The following LYN variants were observed in gnomAD, a reference collection of about 807,000 sequenced individuals.
LYN encodes tyrosine-protein kinase Lyn.
Under a neutral mutation model 65.0 loss-of-function variants are expected in LYN, and 12 were observed. The ratio of observed to expected loss-of-function variants is 0.18; its 90% CI spans 0.12 to 0.30. The LOEUF is 0.30. Among genes scored for constraint, LYN ranks in the 10% least tolerant of loss-of-function variants. LYN has a pLI of 1.00. For missense variants in LYN, 380 were observed against 623.2 expected (o/e 0.61, Z 4.16); for synonymous variants, 222 against 221.2 (o/e 1.00, Z -0.03).
chr8:55,911,167 A>ATACGTGTATATATATG (rs1805608808), intron 1 of LYN, among the ~76,000 whole-genome samples: 1 of 33,284 alleles, frequency 3.0e-5, no homozygotes, highest in African/African-American at 9.4e-5. Flanking sequence ...GTACATATAT[A>ATACGTGTATATATATG]TACACGTATA....
chr8:55,923,135 T>C (rs1326250788), intron 1 of LYN, among the ~76,000 whole-genome samples: 2 of 152,166 alleles, frequency 1.3e-5, no homozygotes, highest in African/African-American at 2.4e-5. Flanking sequence ...AAAACAATTT[T>C]CAGTAAGGAA....
chr8:55,997,855 C>T (rs529052677), intron 10 of LYN, among the ~76,000 whole-genome samples: 8 of 152,114 alleles, frequency 5.3e-5, no homozygotes, highest in East Asian at 1.9e-4. Context: ...GAGGCCAAGG[C>T]GGGCGGATCA....
At chr8:55,907,454 T>G (rs12542445) in intron 1 of LYN, among the ~76,000 whole-genome samples, 137,206 of 152,304 alleles carry the variant, frequency 0.9, 61,901 homozygotes, top group East Asian at 0.98. Context: ...CTGTGAGGTG[T>G]CAAGGAAGCT....
intron 7 of LYN, among the ~76,000 whole-genome samples, chr8:55,953,131 G>A (rs1023917442): frequency 3.3e-5 from 5 of 152,176 alleles, no homozygotes; most frequent in African/African-American, 1.2e-4. Context: ...GAGGGCTTGT[G>A]GTACTCTGGC....
In LYN at chr8:56,010,970, C is replaced by G. The variant is rs1449976246; in HGVS notation, c.*860C>G. On this transcript the variant is annotated 3_prime_UTR_variant, in exon 13 of 13. Coordinates refer to ENST00000519728, the MANE Select transcript of LYN (RefSeq NM_002350.4). ...GTTTTGACAATGTAGTTTGGAAGAACTAAGATTCTAATCTCTGAAGAACCT... is the reference window on the plus strand; with the variant it reads ...GTTTTGACAATGTAGTTTGGAAGAAGTAAGATTCTAATCTCTGAAGAACCT... 4.3e-6 allele frequency: 1 copy of G among 232,302 alleles called. No individual in the cohort carries two copies. The highest frequency in any genetic ancestry group is 5.6e-5 in the Admixed American group (1 of 17,766). 14.4% of individuals were successfully genotyped at this position (232,302 alleles called of 1,614,324 possible). A position where few individuals can be genotyped will look rare whatever the true frequency, so the allele number is the denominator to read the frequency against.
chr8:55,944,103 A>C (rs190420543), intron 2 of LYN, among the ~76,000 whole-genome samples: 1,761 of 152,244 alleles, frequency 0.012, 15 homozygotes, highest in Middle Eastern at 0.024. Context: ...AAGGAAGTGG[A>C]GATAAAGAGT....
chr8:55,893,481 G>A (rs925446828), intron 1 of LYN: 23 of 152,174 alleles, frequency 1.5e-4, no homozygotes, highest in African/African-American at 4.3e-4. Flanking sequence ...TGATGTTAAG[G>A]AACACAGCAC....
At chr8:55,997,884 A>T (rs1004308799) in intron 10 of LYN, among the ~76,000 whole-genome samples, 3 of 152,170 alleles carry the variant, frequency 2.0e-5, no homozygotes, top group Non-Finnish European at 2.9e-5. Flanking sequence ...GGAGATCGAG[A>T]CCATCCTGGC....
chr8:55,910,862 G>T (rs1424883980), intron 1 of LYN, among the ~76,000 whole-genome samples: 1 of 147,416 alleles, frequency 6.8e-6, no homozygotes, highest in Admixed American at 6.8e-5. Flanking sequence ...TGTAGTTTTC[G>T]TATCAACACC....
At chr8:55,986,449 G>A (rs1808075341) in intron 10 of LYN, among the ~76,000 whole-genome samples, 1 of 152,126 alleles carries the variant, frequency 6.6e-6, no homozygotes, top group African/African-American at 2.4e-5. Flanking sequence ...AAGTAAATGG[G>A]TATTCATTGA....
intron 1 of LYN, among the ~76,000 whole-genome samples, chr8:55,921,673 G>A (rs1805951573): frequency 6.6e-6 from 1 of 152,178 alleles, no homozygotes; most frequent in African/African-American, 2.4e-5. Flanking sequence ...CCAATTAGGA[G>A]TCTAACATTT....
At chr8:55,988,805 C>T (rs1808156480) in intron 10 of LYN, among the ~76,000 whole-genome samples, 1 of 152,068 alleles carries the variant, frequency 6.6e-6, no homozygotes, top group Non-Finnish European at 1.5e-5. Context: ...TCACATTCAG[C>T]CCCTCAGTGA....
At chr8:56,009,115 T>C (rs1808749186) in intron 12 of LYN, among the ~76,000 whole-genome samples, 1 of 152,242 alleles carries the variant, frequency 6.6e-6, no homozygotes, top group African/African-American at 2.4e-5. Context: ...AAAATGTCCG[T>C]ATAAGATAAT....
At chr8:55,961,113 A>G (rs1807259473) in intron 8 of LYN, among the ~76,000 whole-genome samples, 1 of 152,196 alleles carries the variant, frequency 6.6e-6, no homozygotes, top group Non-Finnish European at 1.5e-5. Context: ...CCTTGAGATT[A>G]ATCACCAACC....
rs1288882059 is a variant in LYN at position 55,947,618 on chromosome 8, A to G, written c.179A>G (p.Asp60Gly). The change falls in exon 4 of 13, where the codon GAT (aspartate) becomes GGT (glycine). Residue 60 changes from aspartate to glycine, a missense_variant and splice_region_variant. Physicochemically the swap from Asp to Gly is moderately conservative, Grantham distance 94 (BLOSUM62 -1). This residue lies in a region of LYN where 157 missense variants were observed against 193.2 expected (regional missense o/e 0.81). Transcript: ENST00000519728. ...LLPGQRFQTKDPEEQGDIVVA... is the reference protein window; with the variant it reads ...LLPGQRFQTKGPEEQGDIVVA... ...GGTGTTCTCTTGTGTTCATCTTTAGATCCAGAGGAACAAGGAGACATTGTG... is the reference window on the plus strand; with the variant it reads ...GGTGTTCTCTTGTGTTCATCTTTAGGTCCAGAGGAACAAGGAGACATTGTG... 6.2e-7 allele frequency: 1 copy of G among 1,600,818 alleles called. No homozygotes were observed. Among genetic ancestry groups the G allele is most frequent in the Non-Finnish European group, 8.6e-7 (1 of 1,167,856 alleles).
Position 55,946,471 on chromosome 8 carries a change from T to C in LYN, c.156T>C (p.Pro52=), listed in dbSNP as rs769952180. Reference sequence around the variant, plus strand: ...AGGTTCCAGAATCTCAGCTTTTACCTGGACAGAGGTTTCAAACTAAAGGTA... The same window carrying C: ...AGGTTCCAGAATCTCAGCTTTTACCCGGACAGAGGTTTCAAACTAAAGGTA... The part of the protein sequence containing the change: ...QRPVPESQLL[P]GQRFQTKDPE... The change falls in exon 3 of 13, where the codon CCT becomes CCC. Residue 52 remains proline, a synonymous_variant. Coordinates refer to ENST00000519728, the MANE Select transcript of LYN (RefSeq NM_002350.4). 20 of 1,610,738 alleles carry C rather than the reference T, an allele frequency of 1.2e-5. No individual in the cohort carries two copies. In the South Asian group the frequency reaches 2.1e-4, roughly 17 times the overall value.
intron 12 of LYN, among the ~76,000 whole-genome samples, chr8:56,004,632 G>T (rs1451174462): frequency 6.6e-6 from 1 of 151,994 alleles, no homozygotes; most frequent in Non-Finnish European, 1.5e-5. Context: ...CATGCCTGCG[G>T]GTGCTCCTCA....
chr8:55,999,699 T>A, intron 12 of LYN, 150 bp downstream of exon 12: 2 of 860,116 alleles, frequency 2.3e-6, no homozygotes, highest in Non-Finnish European at 3.6e-6. Flanking sequence ...GGGCTGGGCA[T>A]GGTGGCTCAC....
chr8:55,932,334 C>CTTTT (rs1262458002), intron 1 of LYN, among the ~76,000 whole-genome samples: 1 of 152,156 alleles, frequency 6.6e-6, no homozygotes, highest in African/African-American at 2.4e-5. Context: ...TAATATAGTT[C>CTTTT]TAAGAAGACT....
Sources: gnomAD v4.1 joint callset for allele counts (sites outside exome capture counted in the v4.1 genomes callset) on GRCh38, gnomAD v4.1.1 for gene constraint, gnomAD v4.1.1 regional missense constraint, MANE v1.5 for transcripts, NCBI Gene and HGNC (gene_info 2026-07-23, HGNC 2026-07-21) for gene names.